NXPE2: variants seen among roughly 807,000 people sequenced by gnomAD.
NXPE2 encodes the protein neurexophilin and PC-esterase domain family member 2.
In NXPE2, 34 loss-of-function variants were observed where a neutral mutation model predicts 34.4. The observed-to-expected ratio is 0.99, with a 90% CI of 0.75 to 1.31. The LOEUF (loss-of-function observed/expected upper bound fraction) is 1.31. Ranked by LOEUF, NXPE2 falls within the 40% of genes most tolerant of loss-of-function variation. The probability of loss-of-function intolerance (pLI) is 0.00; values close to 1 mark genes in which losing one functional copy is unlikely to be tolerated. For missense variants in NXPE2, 649 were observed against 672.5 expected, an observed-to-expected ratio of 0.97 and a Z score of 0.39; for synonymous variants, 235 against 231.3, an observed-to-expected ratio of 1.02 and a Z score of -0.15.
chr11:114,742,024 A>C, the NXPE2 span, among the ~76,000 whole-genome samples: 710 of 152,152 alleles, frequency 4.7e-3, 4 homozygotes, highest in African/African-American at 0.016. Context: ...TTCTGTGGAC[A>C]TGCCCACTTC....
At chr11:114,627,037 A>C in the NXPE2 span, among the ~76,000 whole-genome samples, 23 of 152,204 alleles carry the variant, frequency 1.5e-4, no homozygotes, top group Non-Finnish European at 2.5e-4. Flanking sequence ...CCAAATCTAC[A>C]TCTCATTTGT....
At chr11:114,488,621 C>T in the NXPE2 span, among the ~76,000 whole-genome samples, 18 of 152,006 alleles carry the variant, frequency 1.2e-4, no homozygotes, top group African/African-American at 2.9e-4. Flanking sequence ...GGATACATAA[C>T]GAAATGAAGG....
chr11:114,543,519 TA>T, the NXPE2 span, among the ~76,000 whole-genome samples: 86,430 of 146,874 alleles, frequency 0.59, 26,315 homozygotes, highest in African/African-American at 0.79. Context: ...AGACCCTGTT[TA>T]AAAAAAAAAA....
the NXPE2 span, among the ~76,000 whole-genome samples, chr11:114,798,739 T>G: frequency 1.3e-5 from 2 of 152,232 alleles, no homozygotes; most frequent in African/African-American, 4.8e-5. Flanking sequence ...CCATATCTCT[T>G]TCATGGCTCT....
At chr11:114,542,854 T>A in the NXPE2 span, among the ~76,000 whole-genome samples, 1 of 152,210 alleles carries the variant, frequency 6.6e-6, no homozygotes, top group African/African-American at 2.4e-5. Flanking sequence ...AACTAGACCC[T>A]ATGAAGACAT....
chr11:114,663,540 C>A, the NXPE2 span, among the ~76,000 whole-genome samples: 4 of 151,554 alleles, frequency 2.6e-5, no homozygotes, highest in African/African-American at 9.8e-5. Flanking sequence ...GGTCACCAGG[C>A]CCCTTCACCA....
At chr11:114,745,396 A>T in the NXPE2 span, among the ~76,000 whole-genome samples, 1 of 152,172 alleles carries the variant, frequency 6.6e-6, no homozygotes, top group African/African-American at 2.4e-5. Context: ...TTTTCAACAA[A>T]CAGTTCTTAC....
chr11:114,688,764 A>G (rs894800025), intron 2 of NXPE2, among the ~76,000 whole-genome samples: 4 of 151,970 alleles, frequency 2.6e-5, no homozygotes, highest in Non-Finnish European at 2.9e-5. Context: ...TTATGATTCA[A>G]TGTCTTTAGT....
intron 2 of NXPE2, among the ~76,000 whole-genome samples, chr11:114,684,277 A>C (rs993070856): frequency 2.0e-5 from 3 of 151,962 alleles, no homozygotes; most frequent in Admixed American, 2.0e-4. Flanking sequence ...AATACAAAAA[A>C]TTAGCTGGGC....
At chr11:114,552,069 G>C in the NXPE2 span, 1 of 152,278 alleles carries the variant, frequency 6.6e-6, no homozygotes, top group Admixed American at 6.5e-5. Context: ...ATCTGGATGC[G>C]CAGAGCAATT....
chr11:114,596,934 G>C, the NXPE2 span, among the ~76,000 whole-genome samples: 1 of 152,166 alleles, frequency 6.6e-6, no homozygotes, highest in Non-Finnish European at 1.5e-5. Flanking sequence ...ATTTGTGCAG[G>C]TCATCTGATG....
At chr11:114,737,567 A>G in the NXPE2 span, among the ~76,000 whole-genome samples, 43 of 152,264 alleles carry the variant, frequency 2.8e-4, no homozygotes, top group African/African-American at 1.0e-3. Flanking sequence ...CTTCCTGCCA[A>G]ACAATTCTAG....
the NXPE2 span, among the ~76,000 whole-genome samples, chr11:114,554,551 C>T: frequency 6.6e-6 from 1 of 152,158 alleles, no homozygotes; most frequent in African/African-American, 2.4e-5. Flanking sequence ...TTTAAATAAA[C>T]TAATTTGTTA....
the NXPE2 span, among the ~76,000 whole-genome samples, chr11:114,540,450 CT>C: frequency 6.6e-6 from 1 of 152,116 alleles, no homozygotes; most frequent in African/African-American, 2.4e-5. Context: ...AACTATATAT[CT>C]TCCTAGTCCA....
the NXPE2 span, among the ~76,000 whole-genome samples, chr11:114,765,148 C>A: frequency 6.6e-6 from 1 of 152,160 alleles, no homozygotes; most frequent in Non-Finnish European, 1.5e-5. Flanking sequence ...CTTCCTGTTT[C>A]CTGGTGAACT....
At chr11:114,519,923 G>A in the NXPE2 span, among the ~76,000 whole-genome samples, 5 of 117,802 alleles carry the variant, frequency 4.2e-5, no homozygotes, top group South Asian at 2.7e-4. Flanking sequence ...ACAGAGTCTC[G>A]CTCTGTAGCC....
chr11:114,748,759 C>G, the NXPE2 span, among the ~76,000 whole-genome samples: 2 of 152,160 alleles, frequency 1.3e-5, no homozygotes, highest in African/African-American at 2.4e-5. Context: ...TTCTCCACAA[C>G]AAAGTCATTC....
At chr11:114,586,984 C>T in the NXPE2 span, among the ~76,000 whole-genome samples, 1 of 152,170 alleles carries the variant, frequency 6.6e-6, no homozygotes, top group African/African-American at 2.4e-5. Flanking sequence ...GAACATCTCT[C>T]TCTTTACCCT....
the NXPE2 span, among the ~76,000 whole-genome samples, chr11:114,464,678 AC>A: frequency 1.3e-5 from 2 of 152,340 alleles, no homozygotes; most frequent in Admixed American, 1.3e-4. Context: ...ACACATGTAC[AC>A]ATGAGCACAT....
Sources: gnomAD v4.1 joint callset for allele counts (sites outside exome capture counted in the v4.1 genomes callset) on GRCh38, gnomAD v4.1.1 for gene constraint, MANE v1.5 for transcripts, NCBI Gene and HGNC (gene_info 2026-07-23, HGNC 2026-07-21) for gene names.